EXOC4: variants seen among roughly 807,000 people sequenced by gnomAD.
The protein encoded by EXOC4 is exocyst complex component 4.
A neutral mutation model predicts 107.2 loss-of-function variants in EXOC4; 71 were observed. That is an observed-to-expected ratio of 0.66 (90% CI 0.55 to 0.81). The LOEUF is 0.81. Among genes scored for constraint, EXOC4 ranks in the 30% least tolerant of loss-of-function variants. The pLI is 0.00. For synonymous variants in EXOC4, 456 were observed against 441.2 expected (o/e 1.03, Z -0.42); for missense variants, 1,108 against 1,189.6 (o/e 0.93, Z 1.01).
chr7:133,377,944 A>G (rs1796525161), intron 7 of EXOC4, among the ~76,000 whole-genome samples: 1 of 152,230 alleles, frequency 6.6e-6, no homozygotes, highest in Non-Finnish European at 1.5e-5. Context: ...TGAAGCTGAA[A>G]TAGAGACATT....
At chr7:133,546,551 C>T (rs551007495) in intron 9 of EXOC4, among the ~76,000 whole-genome samples, 26 of 152,204 alleles carry the variant, frequency 1.7e-4, no homozygotes, top group African/African-American at 4.3e-4. Flanking sequence ...CCACTTTACC[C>T]GGCCTTAGCT....
At chr7:133,403,777 T>A (rs552867000) in intron 7 of EXOC4, among the ~76,000 whole-genome samples, 15 of 152,118 alleles carry the variant, frequency 9.9e-5, no homozygotes, top group East Asian at 9.7e-4. Context: ...AAAATTTTTT[T>A]AAAATTAGCC....
At chr7:133,992,029 G>A (rs1794273131) in intron 14 of EXOC4, among the ~76,000 whole-genome samples, 1 of 152,078 alleles carries the variant, frequency 6.6e-6, no homozygotes, top group African/African-American at 2.4e-5. Context: ...CATTGAATCT[G>A]TAGGTTGCTT....
At chr7:133,995,509 T>C (rs1269915188) in intron 14 of EXOC4, among the ~76,000 whole-genome samples, 1 of 152,226 alleles carries the variant, frequency 6.6e-6, no homozygotes, top group Non-Finnish European at 1.5e-5. Context: ...CATGAAAATA[T>C]TGCAAAAGCA....
At chr7:133,889,013 A>G (rs1799147507) in intron 11 of EXOC4, among the ~76,000 whole-genome samples, 1 of 152,270 alleles carries the variant, frequency 6.6e-6, no homozygotes, top group South Asian at 2.1e-4. Context: ...GTGAGATAAC[A>G]TATGCTGTGT....
At chr7:133,328,405 T>C (rs1795300011) in intron 5 of EXOC4, among the ~76,000 whole-genome samples, 1 of 152,188 alleles carries the variant, frequency 6.6e-6, no homozygotes, top group African/African-American at 2.4e-5. Flanking sequence ...TGCCTTTTAA[T>C]TGGGGCATTT....
intron 10 of EXOC4, among the ~76,000 whole-genome samples, chr7:133,656,221 A>G (rs932623026): frequency 2.0e-5 from 3 of 152,208 alleles, no homozygotes; most frequent in Non-Finnish European, 2.9e-5. Context: ...TAAGGTTTAA[A>G]TTTGAAGCTT....
At chr7:133,534,400 C>T (rs1800235802) in intron 9 of EXOC4, among the ~76,000 whole-genome samples, 1 of 152,128 alleles carries the variant, frequency 6.6e-6, no homozygotes, top group Non-Finnish European at 1.5e-5. Flanking sequence ...AGTTGTCATT[C>T]CTGTTCATCA....
chr7:133,626,022 C>T (rs895178146), intron 9 of EXOC4, among the ~76,000 whole-genome samples: 2 of 152,102 alleles, frequency 1.3e-5, no homozygotes, highest in African/African-American at 2.4e-5. Flanking sequence ...GCCTGGCCAA[C>T]GTGGTGAAAC....
chr7:133,845,282 T>G (rs1798100665), intron 11 of EXOC4, among the ~76,000 whole-genome samples: 1 of 151,180 alleles, frequency 6.6e-6, no homozygotes, highest in African/African-American at 2.4e-5. Context: ...TCCCTTCAGT[T>G]AAGATGTACT....
chr7:133,253,264 C>T, intron 1 of EXOC4, 77 bp downstream of exon 1: 6 of 1,543,960 alleles, frequency 3.9e-6, no homozygotes, highest in South Asian at 3.5e-5. Flanking sequence ...GAAGGGTTAG[C>T]TGGGTCCCAC....
chr7:133,612,966 T>G (rs1802105319), intron 9 of EXOC4, among the ~76,000 whole-genome samples: 1 of 152,116 alleles, frequency 6.6e-6, no homozygotes, highest in Non-Finnish European at 1.5e-5. Flanking sequence ...CAACATGGGT[T>G]TGAACTGTGT....
chr7:133,273,310 G>A (rs1793917430), intron 1 of EXOC4, among the ~76,000 whole-genome samples: 1 of 152,158 alleles, frequency 6.6e-6, no homozygotes, highest in Admixed American at 6.5e-5. Context: ...TCTCCACTCT[G>A]ATTTACTTTA....
chr7:133,807,948 G>C (rs1174362881), intron 10 of EXOC4, among the ~76,000 whole-genome samples: 3 of 152,050 alleles, frequency 2.0e-5, no homozygotes, highest in Non-Finnish European at 2.9e-5. Context: ...AGTTAAATTT[G>C]TTTATAAGCC....
intron 5 of EXOC4, among the ~76,000 whole-genome samples, chr7:133,343,066 A>C (rs554801050): frequency 2.6e-5 from 4 of 152,138 alleles, no homozygotes; most frequent in African/African-American, 9.7e-5. Context: ...CTAGTGAGCT[A>C]CTGTGATCTT....
At chr7:133,853,345 A>AACACACACACACAC (rs59000979) in intron 11 of EXOC4, among the ~76,000 whole-genome samples, 3 of 115,486 alleles carry the variant, frequency 2.6e-5, no homozygotes, top group East Asian at 2.8e-4. Flanking sequence ...CTCTCTCTTT[A>AACACACACACACAC]ACACACACAC....
At chr7:133,702,642 A>T (rs930102225) in intron 10 of EXOC4, among the ~76,000 whole-genome samples, 3 of 151,840 alleles carry the variant, frequency 2.0e-5, no homozygotes, top group African/African-American at 7.3e-5. Context: ...TTATTTATTT[A>T]GGTGAGAAGA....
intron 9 of EXOC4, among the ~76,000 whole-genome samples, chr7:133,488,708 T>G (rs1194373339): frequency 6.6e-6 from 1 of 152,052 alleles, no homozygotes; most frequent in African/African-American, 2.4e-5. Context: ...CAACATTGTT[T>G]TAGTAGCAAA....
At chr7:133,935,362 G>A (rs916418614) in intron 13 of EXOC4, among the ~76,000 whole-genome samples, 25 of 152,136 alleles carry the variant, frequency 1.6e-4, no homozygotes, top group Non-Finnish European at 3.5e-4. Context: ...GGAAAACTTG[G>A]TGGGGTTTTT....
Sources: allele counts gnomAD v4.1 joint callset (sites outside exome capture counted in the v4.1 genomes callset), GRCh38; gene constraint gnomAD v4.1.1; transcripts MANE v1.5; gene names NCBI Gene and HGNC (gene_info 2026-07-23, HGNC 2026-07-21).